Variants in IFT27 observed in about 807,000 individuals in gnomAD.
IFT27 encodes the protein intraflagellar transport 27.
In IFT27, 19 loss-of-function variants were observed where a neutral mutation model predicts 23.9. That is an observed-to-expected ratio of 0.79 (90% CI 0.55 to 1.16). The LOEUF is 1.16. IFT27 is among the 50% of genes most tolerant of loss of function. The pLI is 0.00. For missense variants in IFT27, 206 were observed against 228.7 expected (o/e 0.90, Z 0.64); for synonymous variants, 91 against 89.1 (o/e 1.02, Z -0.12).
chr22:36,762,090 C>T (rs948303536), intron 6 of IFT27: 5 of 152,192 alleles, frequency 3.3e-5, no homozygotes, highest in Admixed American at 1.3e-4. Flanking sequence ...CAGGGCCACA[C>T]CTGTTCCTAG....
At chr22:36,764,148 GAAACGAAA>G in intron 4 of IFT27, 112 bp from the exon 5 acceptor site, 1 of 749,512 alleles carries the variant, frequency 1.3e-6, no homozygotes, top group Non-Finnish European at 2.4e-6. Flanking sequence ...AGGGAAACAA[GAAACGAAA>G]ACAGCCACAC....
chr22:36,774,551 T>C (rs371048928), intron 1 of IFT27, among the ~76,000 whole-genome samples: 23 of 152,356 alleles, frequency 1.5e-4, no homozygotes, highest in African/African-American at 5.5e-4. Context: ...CTCATGCCTG[T>C]AATCCCAGCA....
At chr22:36,762,806 GGTGGAAT>G in intron 6 of IFT27, 91 bp downstream of exon 6, 1 of 619,112 alleles carries the variant, frequency 1.6e-6, no homozygotes, top group South Asian at 3.2e-5. Flanking sequence ...CTCTGCATAT[GGTGGAAT>G]AACAGCTCCC....
Position 36,763,031 on chromosome 22 carries a change from C to T in IFT27, c.353-18G>A, listed in dbSNP as rs934539220. 1.3e-6 allele frequency: 2 copies of T among 1,560,548 alleles called. No homozygotes were observed. The highest frequency in any genetic ancestry group is 1.8e-6 in the Non-Finnish European group (2 of 1,140,834). On this transcript the variant is annotated intron_variant, in intron 5 of 6. Coordinates refer to ENST00000433985, the MANE Select transcript of IFT27 (RefSeq NM_001177701.3). ...TAAAACACCTACTCAGAAGAAACAA[C>T]CAAAATATGGCACTTCACTGTCACA...
At chr22:36,769,318 T>TC (rs1358800178) in intron 1 of IFT27, among the ~76,000 whole-genome samples, 5 of 152,234 alleles carry the variant, frequency 3.3e-5, no homozygotes, top group Admixed American at 1.3e-4. Context: ...CTCACGCTCT[T>TC]CCCAGGCCCT....
chr22:36,766,384 T>C (rs1333654697), intron 3 of IFT27, 187 bp from the exon 4 acceptor site: 1 of 595,902 alleles, frequency 1.7e-6, no homozygotes, highest in Non-Finnish European at 3.0e-6. Context: ...AACTCCAGAG[T>C]CTTAGAGAGG....
chr22:36,766,599 C>T (rs1420926248), intron 3 of IFT27: 3 of 266,336 alleles, frequency 1.1e-5, no homozygotes, highest in African/African-American at 6.6e-5. Flanking sequence ...ACAATTCTTT[C>T]TAAAGGAGGT....
Position 36,767,869 on chromosome 22 carries a change from G to T in IFT27, c.35-7C>A. On this transcript the variant is annotated splice_region_variant and splice_polypyrimidine_tract_variant and intron_variant, in intron 1 of 6. Transcript: ENST00000433985. ...TTGCCCACTGCTGGGTCTCCTGTGA[G>T]ATCAGAAAAGAAGAAAAAGAACGCC... 6.2e-7 allele frequency: 1 copy of T among 1,612,198 alleles called. No individual in the cohort carries two copies. Among genetic ancestry groups the T allele is most frequent in the Non-Finnish European group, 8.5e-7 (1 of 1,178,202 alleles).
chr22:36,764,110 C>CT, intron 4 of IFT27, 74 bp from the exon 5 acceptor site: 1 of 1,073,532 alleles, frequency 9.3e-7, no homozygotes. Flanking sequence ...ACAATTTGGC[C>CT]TTCCAAGGGA....
chr22:36,772,752 G>A (rs1389442086), intron 1 of IFT27: 4 of 984,966 alleles, frequency 4.1e-6, no homozygotes, highest in East Asian at 1.1e-4. Context: ...TGAACTGAAC[G>A]TCAGGTCCTT....
chr22:36,770,053 G>A (rs749430175), intron 1 of IFT27, among the ~76,000 whole-genome samples: 2 of 152,218 alleles, frequency 1.3e-5, no homozygotes, highest in Non-Finnish European at 2.9e-5. Flanking sequence ...GAAGCAAGGC[G>A]TCTGGGAAGC....
At chr22:36,775,320 T>C (rs1938476456) in intron 1 of IFT27, among the ~76,000 whole-genome samples, 1 of 152,158 alleles carries the variant, frequency 6.6e-6, no homozygotes, top group Non-Finnish European at 1.5e-5. Context: ...GTACAGTATA[T>C]GTTTAGCTGA....
intron 1 of IFT27, among the ~76,000 whole-genome samples, chr22:36,771,636 C>T (rs1231396511): frequency 6.6e-6 from 1 of 152,204 alleles, no homozygotes; most frequent in East Asian, 1.9e-4. Context: ...CTGACAACCC[C>T]GACCTCTGCC....
intron 1 of IFT27, 118 bp downstream of exon 1, chr22:36,775,556 G>T: frequency 9.4e-7 from 1 of 1,060,806 alleles, no homozygotes; most frequent in Non-Finnish European, 1.5e-6. Context: ...GCAGTAACTC[G>T]CCTTTGGGAG....
intron 1 of IFT27, among the ~76,000 whole-genome samples, chr22:36,769,181 A>C (rs905484228): frequency 6.6e-6 from 1 of 152,116 alleles, no homozygotes; most frequent in African/African-American, 2.4e-5. Context: ...ATATGTGCTG[A>C]GCCCCCCTCA....
At chr22:36,771,094 T>C (rs919990968) in intron 1 of IFT27, among the ~76,000 whole-genome samples, 3 of 152,150 alleles carry the variant, frequency 2.0e-5, no homozygotes, top group Non-Finnish European at 4.4e-5. Context: ...CAGCTTATTG[T>C]TGCCCCCAGA....
At chr22:36,769,313 G>A (rs948273664) in intron 1 of IFT27, among the ~76,000 whole-genome samples, 1 of 152,122 alleles carries the variant, frequency 6.6e-6, no homozygotes, top group Non-Finnish European at 1.5e-5. Flanking sequence ...CCAACCTCAC[G>A]CTCTTCCCAG....
rs892310543 is a variant in IFT27 at position 36,767,772 on chromosome 22, C to A, written c.114+11G>T. ...TATAAGCTGTGGCCAGGTCTTGACA[C>A]CCCAGCTCACCAGGGTGTAGCTTTT... On this transcript the variant is annotated intron_variant, in intron 2 of 6. Coordinates refer to ENST00000433985, the MANE Select transcript of IFT27 (RefSeq NM_001177701.3). The A allele has an allele frequency of 6.2e-7, 1 of 1,612,450 alleles. No homozygotes were observed. The highest frequency in any genetic ancestry group is 1.1e-5 in the South Asian group (1 of 91,048).
rs151236529 is a variant in IFT27 at position 36,771,016 on chromosome 22, C to T, written c.35-3154G>A. On this transcript the variant is annotated intron_variant, in intron 1 of 6. Transcript: ENST00000433985. ...AGTACTACCCTAGCAATGGCCTGCACCCCAGCAGCACTAACTGCTTCCTGT... is the reference window on the plus strand; with the variant it reads ...AGTACTACCCTAGCAATGGCCTGCATCCCAGCAGCACTAACTGCTTCCTGT... 7.2e-5 allele frequency among the ~76,000 whole-genome samples: 11 copies of T among 152,316 alleles called. No individual in the cohort carries two copies. The East Asian group carries it at 2.1e-3, about 29-fold the overall frequency.
Sources: allele counts gnomAD v4.1 joint callset (sites outside exome capture counted in the v4.1 genomes callset), GRCh38; gene constraint gnomAD v4.1.1; transcripts MANE v1.5; gene names NCBI Gene and HGNC (gene_info 2026-07-23, HGNC 2026-07-21).